Variants in TREM1 observed in about 807,000 individuals in gnomAD.
TREM1 encodes triggering receptor expressed on myeloid cells 1, also known as triggering receptor expressed on monocytes 1.
Under a neutral mutation model 22.4 loss-of-function variants are expected in TREM1, and 16 were observed. The ratio of observed to expected loss-of-function variants is 0.71; its 90% CI spans 0.48 to 1.08. The LOEUF (loss-of-function observed/expected upper bound fraction) is 1.08, where lower values mean the gene tolerates loss of function less well. Ranked by LOEUF, TREM1 falls within the 50% of genes least tolerant of loss-of-function variation. The pLI is 0.00. For missense variants in TREM1, 283 were observed against 282.9 expected, an observed-to-expected ratio of 1.00 and a Z score of 0.00; for synonymous variants, 110 against 111.6, an observed-to-expected ratio of 0.99 and a Z score of 0.09.
chr6:41,276,467 C>T (rs750260138), intron 3 of TREM1, among the ~76,000 whole-genome samples: 1 of 152,040 alleles, frequency 6.6e-6, no homozygotes, highest in Non-Finnish European at 1.5e-5. Context: ...GGGAGACAGT[C>T]GGGCTGATCA....
intron 1 of TREM1, among the ~76,000 whole-genome samples, chr6:41,285,318 C>T (rs1410750345): frequency 6.6e-6 from 1 of 152,126 alleles, no homozygotes; most frequent in Non-Finnish European, 1.5e-5. Context: ...GTATTATGTG[C>T]TAAGGGTTTT....
downstream of TREM1, among the ~76,000 whole-genome samples, chr6:41,271,590 ACT>A (rs529317322): frequency 1.1e-4 from 16 of 151,588 alleles, no homozygotes; most frequent in South Asian, 2.1e-4. Flanking sequence ...TTAAGGGGAG[ACT>A]CTGTCTCGCT....
intron 1 of TREM1, 131 bp downstream of exon 1, chr6:41,286,476 C>T: frequency 2.4e-6 from 2 of 847,876 alleles, no homozygotes; most frequent in South Asian, 3.2e-5. Flanking sequence ...CTGGGTAGAG[C>T]AGCACGGTCT....
chr6:41,283,911 A>G (rs1768043168), intron 1 of TREM1, among the ~76,000 whole-genome samples: 1 of 152,070 alleles, frequency 6.6e-6, no homozygotes, highest in Non-Finnish European at 1.5e-5. Flanking sequence ...GAAACTTTCT[A>G]CCACGTAGGA....
At position 41,277,297 on chromosome 6, in the gene TREM1, G is replaced by A. The variant is rs550478976; in HGVS notation, c.600-1067C>T. Among the ~76,000 whole-genome samples the A allele has an allele frequency of 1.3e-4, 20 of 151,358 alleles. No homozygotes were observed. The South Asian group carries it at 2.5e-3, about 19-fold the overall frequency. ...AAGGGCCCTGACTTGTAGCACAGGG[G>A]ACTACATTCCCAAGCCTGACTGGTC... On this transcript the variant is annotated intron_variant, in intron 3 of 3. Coordinates refer to ENST00000244709, the MANE Select transcript of TREM1 (RefSeq NM_018643.5).
At chr6:41,276,305 C>T in intron 3 of TREM1, 75 bp from the exon 4 acceptor site, 1 of 1,028,746 alleles carries the variant, frequency 9.7e-7, no homozygotes, top group East Asian at 2.5e-5. Context: ...CTAGAAAATG[C>T]CTTCATGTCC....
Position 41,275,544 on chromosome 6 carries a change from T to A in TREM1, c.*581A>T, listed in dbSNP as rs1767633199. 6.5e-6 allele frequency: 1 copy of A among 152,990 alleles called. No homozygotes were observed. Among genetic ancestry groups the A allele is most frequent in the Non-Finnish European group, 1.5e-5 (1 of 68,592 alleles). The allele number at this position is 152,990 out of a possible 1,614,324, so 9.5% of individuals were successfully genotyped here. ...CCCAGAAGAAGATACTCAGTTTAAC[T>A]CTTTTCTCTGAGAAGGATGCACTTT... On this transcript the variant is annotated 3_prime_UTR_variant, in exon 4 of 4. Transcript: ENST00000244709.
In TREM1 at chr6:41,282,746, G is replaced by T. The variant is rs202123418; in HGVS notation, c.55C>A (p.Arg19=). ...TCCTCAGTTAATTTAGTTGCAGCTC[G>T]GAGTTCTATAAGCAGGGAAAGAGAA... ...LLWMLFVSEL[R]AATKLTEEKY... Residue 19 remains arginine (R), a synonymous_variant, in exon 2 of 4, where the codon CGA becomes AGA. Transcript: ENST00000244709. The T allele has an allele frequency of 1.2e-6, 2 of 1,611,584 alleles. No individual in the cohort carries two copies. Among genetic ancestry groups the T allele is most frequent in the Non-Finnish European group, 1.7e-6 (2 of 1,178,648 alleles).
At chr6:41,282,808 G>T in intron 1 of TREM1, 57 bp from the exon 2 acceptor site, 3 of 1,455,322 alleles carry the variant, frequency 2.1e-6, no homozygotes, top group Non-Finnish European at 2.8e-6. Flanking sequence ...CTCTCTGAGT[G>T]GGGAAAAAGG....
intron 1 of TREM1, among the ~76,000 whole-genome samples, chr6:41,286,043 C>T (rs1178041863): frequency 6.6e-6 from 1 of 152,214 alleles, no homozygotes; most frequent in East Asian, 1.9e-4. Context: ...CAAGAAAGAG[C>T]TGGGGCATGC....
At chr6:41,272,959 C>T (rs988394282), downstream of TREM1, among the ~76,000 whole-genome samples, 2 of 152,158 alleles carry the variant, frequency 1.3e-5, no homozygotes, top group Non-Finnish European at 2.9e-5. Flanking sequence ...GTGAGTTTCA[C>T]CAGATGCAGA....
intron 3 of TREM1, 132 bp from the exon 4 acceptor site, chr6:41,276,362 G>T: frequency 1.5e-6 from 1 of 680,284 alleles, no homozygotes; most frequent in Non-Finnish European, 2.6e-6. Flanking sequence ...CGCACTGCCT[G>T]ACCCTGTGCT....
chr6:41,267,861 G>A, downstream of TREM1: 1 of 397,918 alleles, frequency 2.5e-6, no homozygotes, highest in Non-Finnish European at 4.4e-6. Context: ...AAAAAAATAA[G>A]ACAAAAGCTA....
At chr6:41,285,635 C>T (rs1768132422) in intron 1 of TREM1, among the ~76,000 whole-genome samples, 1 of 152,196 alleles carries the variant, frequency 6.6e-6, no homozygotes. Context: ...GAAATATATA[C>T]CACTGGTTTT....
Position 41,276,613 on chromosome 6 carries a change from G to A in TREM1, c.600-383C>T, listed in dbSNP as rs536962433. On this transcript the variant is annotated intron_variant, in intron 3 of 3. Transcript: ENST00000244709. ...AGCTCGGTTTCCTCACCTATAAACC[G>A]AGAAGAATCCACCCGTAGTGAAAAT... Among the ~76,000 whole-genome samples the A allele has an allele frequency of 5.3e-5, 8 of 152,196 alleles. No individual in the cohort carries two copies. In the South Asian group the frequency reaches 1.0e-3, roughly 20 times the overall value.
chr6:41,276,111 G>A lies in TREM1; in HGVS notation c.*14C>T, dbSNP rs571383131. On this transcript the variant is annotated 3_prime_UTR_variant, in exon 4 of 4. Transcript: ENST00000244709. Reference sequence around the variant, plus strand: ...TGGCTGGAAGTCAGAGGACATTCTCGTGGGTTCGTGGGCCTAGGGTACAAA... The same window carrying A: ...TGGCTGGAAGTCAGAGGACATTCTCATGGGTTCGTGGGCCTAGGGTACAAA... 60 of 1,605,038 alleles carry A rather than the reference G, an allele frequency of 3.7e-5. No homozygotes were observed. The highest frequency in any genetic ancestry group is 4.7e-5 in the Non-Finnish European group (55 of 1,171,884).
At chr6:41,282,298 A>C in intron 2 of TREM1, 97 bp downstream of exon 2, 1 of 947,680 alleles carries the variant, frequency 1.1e-6, no homozygotes, top group South Asian at 1.6e-5. Context: ...AGGAAGACAG[A>C]CTGCTGGGAA....
rs752468178 is a variant in TREM1 at position 41,282,505 on chromosome 6, C to T, written c.296G>A (p.Arg99Gln). ...ATCTTCCACTTGAAGGTTGACCATT[C>T]GGACGCGCAGTAAACCATGATCATG... Reference protein sequence around the residue: ...DYHDHGLLRVRMVNLQVEDSG... With the variant: ...DYHDHGLLRVQMVNLQVEDSG... Residue 99 changes from arginine (R) to glutamine (Q), a missense_variant, in exon 2 of 4, where the codon CGA becomes CAA. Arg to Gln is a conservative substitution (Grantham distance 43). Transcript: ENST00000244709. 34 of 1,614,070 alleles carry T rather than the reference C, an allele frequency of 2.1e-5. No individual in the cohort carries two copies. The highest frequency in any genetic ancestry group is 5.5e-5 in the South Asian group (5 of 91,088).
At chr6:41,273,109 G>C (rs1273230122), downstream of TREM1, among the ~76,000 whole-genome samples, 3 of 152,188 alleles carry the variant, frequency 2.0e-5, no homozygotes, top group Non-Finnish European at 2.9e-5. Flanking sequence ...TGCGGATGAG[G>C]CTCAAATGCA....
Sources: allele counts gnomAD v4.1 joint callset (sites outside exome capture counted in the v4.1 genomes callset), GRCh38; gene constraint gnomAD v4.1.1; transcripts MANE v1.5; gene names NCBI Gene and HGNC (gene_info 2026-07-23, HGNC 2026-07-21).